Variants in DTNA observed in about 807,000 individuals in gnomAD.
DTNA encodes dystrobrevin alpha, also known as dystrophin-related protein 3.
In DTNA, 43 loss-of-function variants were observed where a neutral mutation model predicts 100.7. That is an observed-to-expected ratio of 0.43 (90% CI 0.33 to 0.55). The LOEUF (loss-of-function observed/expected upper bound fraction) is 0.55, where lower values mean the gene tolerates loss of function less well. Among genes scored for constraint, DTNA ranks in the 20% least tolerant of loss-of-function variants. The pLI is 0.04. For synonymous variants in DTNA, 349 were observed against 347.9 expected, an observed-to-expected ratio of 1.00 and a Z score of -0.04; for missense variants, 798 against 953.9, an observed-to-expected ratio of 0.84 and a Z score of 2.15.
At chr18:34,663,049 T>C (rs2075408937) in intron 1 of DTNA, 1 of 152,242 alleles carries the variant, frequency 6.6e-6, no homozygotes, top group Non-Finnish European at 1.5e-5. Context: ...CTGGTAGTAA[T>C]ATTTCTTCAC....
intron 3 of DTNA, among the ~76,000 whole-genome samples, chr18:34,793,232 G>A (rs1046999555): frequency 1.1e-4 from 16 of 152,172 alleles, no homozygotes; most frequent in African/African-American, 3.6e-4. Flanking sequence ...TTTTGAGGGT[G>A]AGGACGTGTT....
chr18:34,715,479 TTTAA>T, intron 1 of DTNA, among the ~76,000 whole-genome samples: 1 of 150,468 alleles, frequency 6.6e-6, no homozygotes, highest in African/African-American at 2.5e-5. Context: ...TTTTTAATTT[TTTAA>T]TTATTTATTT....
intron 1 of DTNA, among the ~76,000 whole-genome samples, chr18:34,691,433 A>G (rs2079746060): frequency 6.6e-6 from 1 of 152,184 alleles, no homozygotes; most frequent in African/African-American, 2.4e-5. Context: ...AGTCTATTTT[A>G]CTTCAAGGAC....
chr18:34,791,642 G>A (rs1468535168), intron 3 of DTNA, among the ~76,000 whole-genome samples: 1 of 152,002 alleles, frequency 6.6e-6, no homozygotes, highest in African/African-American at 2.4e-5. Flanking sequence ...ATACAGAAAA[G>A]CTTGCAAATT....
intron 1 of DTNA, among the ~76,000 whole-genome samples, chr18:34,497,726 A>T (rs564141591): frequency 3.3e-4 from 50 of 152,252 alleles, no homozygotes; most frequent in Admixed American, 2.4e-3. Context: ...CTTTATATGA[A>T]TACTTTTTGC....
At chr18:34,866,392 G>A (rs886053772) in intron 17 of DTNA, 29 of 1,361,026 alleles carry the variant, frequency 2.1e-5, no homozygotes, top group Non-Finnish European at 2.7e-5. Context: ...TCATTTATTG[G>A]AAACATTTTA....
chr18:34,741,646 T>C (rs2090666769), intron 1 of DTNA, among the ~76,000 whole-genome samples: 1 of 152,192 alleles, frequency 6.6e-6, no homozygotes, highest in Non-Finnish European at 1.5e-5. Context: ...CCTCTAGATA[T>C]CTTCAAGAAG....
chr18:34,776,841 C>T (rs2094080415), intron 3 of DTNA, among the ~76,000 whole-genome samples: 1 of 152,210 alleles, frequency 6.6e-6, no homozygotes, highest in African/African-American at 2.4e-5. Context: ...TCCCACTCTC[C>T]TATCTGGTTA....
chr18:34,667,835 A>G (rs959100640), intron 1 of DTNA, among the ~76,000 whole-genome samples: 1 of 152,166 alleles, frequency 6.6e-6, no homozygotes, highest in Non-Finnish European at 1.5e-5. Flanking sequence ...CCAGTATTTT[A>G]TTGAGGATTT....
At chr18:34,582,891 C>T (rs889080196) in intron 1 of DTNA, among the ~76,000 whole-genome samples, 26 of 152,070 alleles carry the variant, frequency 1.7e-4, no homozygotes, top group Non-Finnish European at 1.0e-4. Context: ...GGTCCATATA[C>T]GAATCATCAT....
chr18:34,775,625 T>C (rs1255757559), intron 3 of DTNA, among the ~76,000 whole-genome samples: 3 of 152,252 alleles, frequency 2.0e-5, no homozygotes, highest in African/African-American at 7.2e-5. Context: ...TGCCACATGC[T>C]CAATCACTAG....
intron 3 of DTNA, among the ~76,000 whole-genome samples, chr18:34,766,799 A>G (rs1403359947): frequency 2.0e-5 from 3 of 152,366 alleles, no homozygotes; most frequent in African/African-American, 7.2e-5. Flanking sequence ...AAAACATTTA[A>G]GTTTTTTTCT....
intron 1 of DTNA, among the ~76,000 whole-genome samples, chr18:34,551,810 C>T (rs1455993768): frequency 6.6e-6 from 1 of 152,158 alleles, no homozygotes; most frequent in Non-Finnish European, 1.5e-5. Context: ...CTTTCAGTGA[C>T]TTTCTCTTGC....
intron 17 of DTNA, among the ~76,000 whole-genome samples, chr18:34,865,811 C>T (rs552056598): frequency 1.3e-5 from 2 of 152,334 alleles, no homozygotes; most frequent in Admixed American, 6.5e-5. Flanking sequence ...GTCTATTCAC[C>T]ACCAGCCATG....
intron 2 of DTNA, among the ~76,000 whole-genome samples, chr18:34,756,883 C>T (rs2092813230): frequency 6.6e-6 from 1 of 152,132 alleles, no homozygotes. Flanking sequence ...CTTCTTCCTG[C>T]ATACGGAATG....
intron 1 of DTNA, among the ~76,000 whole-genome samples, chr18:34,714,120 A>T (rs2083454294): frequency 6.6e-6 from 1 of 152,172 alleles, no homozygotes; most frequent in African/African-American, 2.4e-5. Context: ...ACCTAACACC[A>T]TAAAAACCCT....
intron 1 of DTNA, among the ~76,000 whole-genome samples, chr18:34,545,327 T>C (rs537716691): frequency 2.6e-5 from 4 of 152,096 alleles, no homozygotes; most frequent in African/African-American, 4.8e-5. Flanking sequence ...TGCTGGGTGT[T>C]GCAGTCAGTG....
intron 4 of DTNA, among the ~76,000 whole-genome samples, chr18:34,801,195 A>T (rs2095196587): frequency 6.6e-6 from 1 of 152,228 alleles, no homozygotes; most frequent in South Asian, 2.1e-4. Flanking sequence ...ACATTGATTT[A>T]TGAAGCCATT....
intron 1 of DTNA, among the ~76,000 whole-genome samples, chr18:34,618,569 AT>A (rs1273967338): frequency 1.3e-5 from 2 of 152,128 alleles, no homozygotes; most frequent in Non-Finnish European, 2.9e-5. Flanking sequence ...CTTTCTGCCT[AT>A]GTCATTTTTG....
Sources: allele counts gnomAD v4.1 joint callset (sites outside exome capture counted in the v4.1 genomes callset), GRCh38; gene constraint gnomAD v4.1.1; transcripts MANE v1.5; gene names NCBI Gene and HGNC (gene_info 2026-07-23, HGNC 2026-07-21).